NKAIN2: variants seen among roughly 807,000 people sequenced by gnomAD.
NKAIN2 encodes the protein sodium/potassium-transporting ATPase subunit beta-1-interacting protein 2.
NKAIN2 carries 14 observed loss-of-function variants against 32.6 expected under a neutral mutation model. The ratio of observed to expected loss-of-function variants is 0.43; its 90% CI spans 0.28 to 0.67. The LOEUF (loss-of-function observed/expected upper bound fraction) is 0.67, where lower values mean the gene tolerates loss of function less well. NKAIN2 is among the 30% of genes least tolerant of loss of function. NKAIN2 has a pLI of 0.17. For missense variants in NKAIN2, 198 were observed against 258.3 expected (o/e 0.77, Z 1.60); for synonymous variants, 80 against 87.2 (o/e 0.92, Z 0.46).
chr6:124,045,509 G>A (rs116950350), intron 1 of NKAIN2, among the ~76,000 whole-genome samples: 4,610 of 152,066 alleles, frequency 0.03, 99 homozygotes, highest in Non-Finnish European at 0.044. Context: ...GGTTGTAAAT[G>A]CAGTTTGTCT....
intron 3 of NKAIN2, among the ~76,000 whole-genome samples, chr6:124,486,502 C>G (rs1777655706): frequency 6.6e-6 from 1 of 152,074 alleles, no homozygotes; most frequent in African/African-American, 2.4e-5. Context: ...CTTACCAGTT[C>G]TCTCTACTGT....
In NKAIN2 at chr6:124,580,667, A is replaced by C. The variant is rs1781487008; in HGVS notation, c.274-77519A>C. ...AGTAAGTCCTTACCTCTTATCAATAACATCGAATATAAAAGAACTAAACTC... is the reference window on the plus strand; with the variant it reads ...AGTAAGTCCTTACCTCTTATCAATACCATCGAATATAAAAGAACTAAACTC... On this transcript the variant is annotated intron_variant, in intron 3 of 6. Transcript: ENST00000368417. 2.0e-5 allele frequency among the ~76,000 whole-genome samples: 3 copies of C among 152,224 alleles called. No homozygotes were observed. The South Asian group carries it at 6.2e-4, about 32-fold the overall frequency.
At chr6:124,089,188 G>A (rs1261871076) in intron 1 of NKAIN2, among the ~76,000 whole-genome samples, 2 of 151,900 alleles carry the variant, frequency 1.3e-5, no homozygotes, top group Non-Finnish European at 2.9e-5. Context: ...AAGTTAGATG[G>A]TGTGGTTTTC....
intron 1 of NKAIN2, among the ~76,000 whole-genome samples, chr6:124,022,053 C>T (rs2114762330): frequency 1.4e-5 from 2 of 141,172 alleles, no homozygotes; most frequent in Middle Eastern, 3.6e-3. Context: ...CCTCCCCCTA[C>T]CCCATGACAG....
At chr6:123,967,153 T>C (rs1453908888) in intron 1 of NKAIN2, among the ~76,000 whole-genome samples, 2 of 152,208 alleles carry the variant, frequency 1.3e-5, no homozygotes, top group African/African-American at 4.8e-5. Flanking sequence ...CTGGGCACTT[T>C]CCTTGTAATT....
intron 1 of NKAIN2, among the ~76,000 whole-genome samples, chr6:124,207,596 A>G (rs1233145873): frequency 2.0e-5 from 3 of 151,638 alleles, no homozygotes; most frequent in Admixed American, 1.3e-4. Flanking sequence ...TTTACCTGCC[A>G]TGTACTAAGC....
intron 3 of NKAIN2, among the ~76,000 whole-genome samples, chr6:124,578,231 G>A (rs930781152): frequency 3.3e-5 from 5 of 152,036 alleles, no homozygotes; most frequent in Admixed American, 6.5e-5. Context: ...TACCAGCTCT[G>A]TCACAGTTAG....
At chr6:124,064,917 C>A (rs1190350950) in intron 1 of NKAIN2, among the ~76,000 whole-genome samples, 1 of 152,018 alleles carries the variant, frequency 6.6e-6, no homozygotes, top group African/African-American at 2.4e-5. Context: ...TGGTTTCAAC[C>A]AATTAGTTGT....
chr6:124,408,288 T>C (rs10457448), intron 3 of NKAIN2, among the ~76,000 whole-genome samples: 59,952 of 151,982 alleles, frequency 0.39, 13,774 homozygotes, highest in South Asian at 0.6. Context: ...ATGTCCTGAA[T>C]GGTATTGTCT....
At chr6:123,856,951 G>A (rs189000048) in intron 1 of NKAIN2, among the ~76,000 whole-genome samples, 41 of 152,166 alleles carry the variant, frequency 2.7e-4, no homozygotes, top group Admixed American at 6.5e-4. Flanking sequence ...AGACACAGTG[G>A]GGTTGCTAAT....
intron 3 of NKAIN2, among the ~76,000 whole-genome samples, chr6:124,379,366 G>T (rs971696797): frequency 2.0e-5 from 3 of 150,178 alleles, no homozygotes; most frequent in Non-Finnish European, 4.5e-5. Flanking sequence ...AGAGAGAAAG[G>T]AGAGAAGGGA....
intron 1 of NKAIN2, among the ~76,000 whole-genome samples, chr6:124,206,882 T>G (rs1289674987): frequency 6.6e-6 from 1 of 151,792 alleles, no homozygotes; most frequent in Non-Finnish European, 1.5e-5. Context: ...CTAGATGATA[T>G]AGTGATAATA....
At chr6:124,491,476 T>C (rs1487861030) in intron 3 of NKAIN2, among the ~76,000 whole-genome samples, 1 of 151,888 alleles carries the variant, frequency 6.6e-6, no homozygotes, top group Admixed American at 6.6e-5. Flanking sequence ...GAGGTAGCTA[T>C]GAGAAAGGTA....
intron 1 of NKAIN2, among the ~76,000 whole-genome samples, chr6:124,118,601 T>C (rs560143375): frequency 1.9e-4 from 29 of 152,294 alleles, no homozygotes; most frequent in African/African-American, 6.7e-4. Context: ...ATTGTAGGCA[T>C]TCTTCTTATT....
intron 1 of NKAIN2, among the ~76,000 whole-genome samples, chr6:124,260,527 G>A (rs1250355984): frequency 8.5e-5 from 13 of 152,124 alleles, no homozygotes; most frequent in Admixed American, 6.6e-4. Flanking sequence ...GCAGGAGAAT[G>A]CCTGCTGTGT....
intron 1 of NKAIN2, among the ~76,000 whole-genome samples, chr6:123,874,366 T>C (rs1377586065): frequency 6.6e-6 from 1 of 152,228 alleles, no homozygotes; most frequent in Non-Finnish European, 1.5e-5. Flanking sequence ...ATTTTCTGGT[T>C]AATCTAAGTA....
At chr6:124,348,004 T>C (rs1314561739) in intron 2 of NKAIN2, among the ~76,000 whole-genome samples, 1 of 152,170 alleles carries the variant, frequency 6.6e-6, no homozygotes, top group Admixed American at 6.5e-5. Flanking sequence ...GATGTACAGA[T>C]GGGTTTTTGG....
At chr6:124,446,350 TTTGTTTG>T (rs1775892622) in intron 3 of NKAIN2, among the ~76,000 whole-genome samples, 10 of 151,944 alleles carry the variant, frequency 6.6e-5, no homozygotes, top group Admixed American at 6.6e-4. Context: ...TGTTTGTTTG[TTTGTTTG>T]TTTGAGACAG....
At chr6:124,176,204 G>A (rs543046736) in intron 1 of NKAIN2, among the ~76,000 whole-genome samples, 1 of 152,296 alleles carries the variant, frequency 6.6e-6, no homozygotes, top group Non-Finnish European at 1.5e-5. Context: ...GATGCTGACA[G>A]AGACACAAAG....
Sources: allele counts gnomAD v4.1 joint callset (sites outside exome capture counted in the v4.1 genomes callset), GRCh38; gene constraint gnomAD v4.1.1; transcripts MANE v1.5; gene names NCBI Gene and HGNC (gene_info 2026-07-23, HGNC 2026-07-21).